Variants in PCDH9 observed in about 807,000 individuals in gnomAD.
PCDH9 encodes the protein protocadherin 9.
A neutral mutation model predicts 70.6 loss-of-function variants in PCDH9; 24 were observed. The observed-to-expected ratio is 0.34, with a 90% CI of 0.25 to 0.48. The LOEUF (loss-of-function observed/expected upper bound fraction) is 0.48. Among genes scored for constraint, PCDH9 ranks in the 20% least tolerant of loss-of-function variants. The probability of loss-of-function intolerance (pLI) is 0.99; values close to 1 mark genes in which losing one functional copy is unlikely to be tolerated. For missense variants in PCDH9, 1,281 were observed against 1,503.6 expected (o/e 0.85, Z 2.45); for synonymous variants, 562 against 558.5 (o/e 1.01, Z -0.09).
chr13:66,686,558 T>C (rs1191189972), intron 3 of PCDH9, among the ~76,000 whole-genome samples: 1 of 152,230 alleles, frequency 6.6e-6, no homozygotes, highest in Non-Finnish European at 1.5e-5. Flanking sequence ...TTTATCTATA[T>C]GCTGCAATAA....
chr13:66,390,977 A>G (rs1957007290), intron 4 of PCDH9, among the ~76,000 whole-genome samples: 1 of 152,184 alleles, frequency 6.6e-6, no homozygotes, highest in Admixed American at 6.5e-5. Flanking sequence ...ATACAATGAT[A>G]AAATAAGTCC....
chr13:66,686,390 C>A (rs935556445), intron 3 of PCDH9, among the ~76,000 whole-genome samples: 2 of 152,166 alleles, frequency 1.3e-5, no homozygotes, highest in Non-Finnish European at 1.5e-5. Flanking sequence ...GCCTCCCCAA[C>A]CATGCAGAAC....
intron 2 of PCDH9, among the ~76,000 whole-genome samples, chr13:67,168,686 A>G (rs1254302742): frequency 6.6e-6 from 1 of 152,192 alleles, no homozygotes; most frequent in African/African-American, 2.4e-5. Flanking sequence ...AGCTGTGTTC[A>G]GGCCACTGCA....
At chr13:67,146,954 C>T (rs1214559740) in intron 2 of PCDH9, among the ~76,000 whole-genome samples, 1 of 151,996 alleles carries the variant, frequency 6.6e-6, no homozygotes, top group Non-Finnish European at 1.5e-5. Context: ...TTCCGGCTTC[C>T]TTTTTTTAAG....
At chr13:66,596,644 A>G (rs1339932854) in intron 4 of PCDH9, among the ~76,000 whole-genome samples, 1 of 151,740 alleles carries the variant, frequency 6.6e-6, no homozygotes, top group East Asian at 1.9e-4. Context: ...AAAGTTCTCT[A>G]TCACTGGATC....
chr13:66,502,631 T>C (rs1959182590), intron 4 of PCDH9, among the ~76,000 whole-genome samples: 1 of 97,374 alleles, frequency 1.0e-5, no homozygotes, highest in South Asian at 4.5e-4. Flanking sequence ...GAAGAATGTC[T>C]AGATAGTGAA....
At chr13:66,743,319 G>T (rs1403214514) in intron 3 of PCDH9, among the ~76,000 whole-genome samples, 2 of 118,732 alleles carry the variant, frequency 1.7e-5, no homozygotes, top group Admixed American at 1.9e-4. Flanking sequence ...ACATGAAGGG[G>T]AATATCACAC....
chr13:66,403,095 C>CAA (rs60896270), intron 4 of PCDH9, among the ~76,000 whole-genome samples: 164 of 149,306 alleles, frequency 1.1e-3, no homozygotes, highest in Non-Finnish European at 1.5e-3. Context: ...AAGGAACTGT[C>CAA]AAAAAAAAAG....
intron 4 of PCDH9, among the ~76,000 whole-genome samples, chr13:66,342,925 C>T (rs1263060237): frequency 1.3e-5 from 2 of 151,926 alleles, no homozygotes; most frequent in Non-Finnish European, 2.9e-5. Flanking sequence ...GGATTACAGG[C>T]GTAAGCCACC....
chr13:66,791,322 T>C (rs1257012067), intron 3 of PCDH9, among the ~76,000 whole-genome samples: 3 of 152,114 alleles, frequency 2.0e-5, no homozygotes, highest in African/African-American at 7.2e-5. Context: ...ACTTGAGCAG[T>C]GTTTTTTTCC....
intron 4 of PCDH9, among the ~76,000 whole-genome samples, chr13:66,503,300 A>G (rs1481848215): frequency 6.6e-6 from 1 of 152,168 alleles, no homozygotes; most frequent in Non-Finnish European, 1.5e-5. Flanking sequence ...TTGGCAAAAT[A>G]AATCAGTGTT....
intron 4 of PCDH9, among the ~76,000 whole-genome samples, chr13:66,509,546 G>A (rs894099904): frequency 4.6e-5 from 7 of 152,102 alleles, no homozygotes; most frequent in Admixed American, 1.3e-4. Flanking sequence ...CACCCCAATC[G>A]TTAAAAATCT....
intron 4 of PCDH9, among the ~76,000 whole-genome samples, chr13:66,565,661 G>T (rs2076642157): frequency 6.6e-6 from 1 of 152,138 alleles, no homozygotes. Context: ...TTGTGTGTGT[G>T]CTAAAAATGT....
At chr13:66,462,228 C>T (rs537880831) in intron 4 of PCDH9, among the ~76,000 whole-genome samples, 38 of 151,656 alleles carry the variant, frequency 2.5e-4, no homozygotes, top group Non-Finnish European at 4.4e-4. Flanking sequence ...ATAATAAGAC[C>T]CAGCCCAGTT....
chr13:66,623,122 C>T (rs902872693), intron 4 of PCDH9, among the ~76,000 whole-genome samples: 1 of 152,244 alleles, frequency 6.6e-6, no homozygotes, highest in Non-Finnish European at 1.5e-5. Context: ...CCTTTAAGAA[C>T]TGTAACACTC....
chr13:67,006,061 T>G (rs1332667795), intron 2 of PCDH9, among the ~76,000 whole-genome samples: 2 of 152,060 alleles, frequency 1.3e-5, no homozygotes, highest in Non-Finnish European at 2.9e-5. Flanking sequence ...CCCGTCTCCA[T>G]TAAATATACA....
intron 3 of PCDH9, among the ~76,000 whole-genome samples, chr13:66,858,141 G>A (rs1336811293): frequency 6.6e-6 from 1 of 152,044 alleles, no homozygotes; most frequent in Non-Finnish European, 1.5e-5. Context: ...CTTAAACATT[G>A]TAAATTTATT....
chr13:66,491,470 T>C (rs1310507721), intron 4 of PCDH9, among the ~76,000 whole-genome samples: 1 of 151,242 alleles, frequency 6.6e-6, no homozygotes, highest in Non-Finnish European at 1.5e-5. Context: ...ACTACAGTAC[T>C]GTGATCAGCG....
At chr13:66,439,062 C>A (rs1001918796) in intron 4 of PCDH9, among the ~76,000 whole-genome samples, 13 of 152,108 alleles carry the variant, frequency 8.5e-5, no homozygotes, top group African/African-American at 3.1e-4. Flanking sequence ...ACAGAAAATT[C>A]TGTACAAAAA....
Sources: gnomAD v4.1 joint callset for allele counts (sites outside exome capture counted in the v4.1 genomes callset) on GRCh38, gnomAD v4.1.1 for gene constraint, MANE v1.5 for transcripts, NCBI Gene and HGNC (gene_info 2026-07-23, HGNC 2026-07-21) for gene names.